Variants in ULBP2 observed in about 807,000 individuals in gnomAD.
ULBP2 encodes UL16 binding protein 2.
A neutral mutation model predicts 23.6 loss-of-function variants in ULBP2; 21 were observed. The ratio of observed to expected loss-of-function variants is 0.89; its 90% CI spans 0.63 to 1.28. The LOEUF is 1.28. Ranked by LOEUF, ULBP2 falls within the 50% of genes most tolerant of loss-of-function variation. The pLI, the probability that ULBP2 is intolerant of heterozygous loss-of-function variation, is 0.00. For synonymous variants in ULBP2, 82 were observed against 112.8 expected (o/e 0.73, Z 1.73); for missense variants, 251 against 306.0 (o/e 0.82, Z 1.34).
Position 149,946,951 on chromosome 6 carries a change from C to T in ULBP2, c.631+298C>T, listed in dbSNP as rs147603676. Among the ~76,000 whole-genome samples the T allele has an allele frequency of 4.0e-3, 607 of 152,246 alleles. 1 individual carries two copies. Among genetic ancestry groups the T allele is most frequent in the African/African-American group, 0.014 (584 of 41,518 alleles). ...TTCAGACCTTTTTCCTTAGTGTTTC[C>T]TCTTTTGAGAATCACTTTTCCTTTC... On this transcript the variant is annotated intron_variant, in intron 3 of 4. Transcript: ENST00000367351.
intron 3 of ULBP2, 180 bp downstream of exon 3, chr6:149,946,833 T>G: frequency 9.5e-7 from 1 of 1,054,612 alleles, no homozygotes; most frequent in Non-Finnish European, 1.3e-6. Context: ...GTCCTCTTCC[T>G]TCTCCCTCCT....
At chr6:149,948,415 T>C (rs1423874930) in intron 4 of ULBP2, among the ~76,000 whole-genome samples, 2 of 152,082 alleles carry the variant, frequency 1.3e-5, no homozygotes, top group Non-Finnish European at 2.9e-5. Flanking sequence ...CCTTGCCTGT[T>C]TTAGGCCTTC....
chr6:149,945,446 A>C lies in ULBP2; in HGVS notation c.223A>C (p.Ser75Arg). ...TGGCAACAAGACAGTCACACCTGTC[A>C]GTCCCCTGGGGAAGAAACTAAATGT... ...DCGNKTVTPV[S>R]PLGKKLNVTT... The change falls in exon 2 of 5, where the codon AGT becomes CGT. Residue 75 changes from serine to arginine, a missense_variant. By Grantham distance (110) the Ser-to-Arg change is moderately radical (BLOSUM62 -1). Transcript: ENST00000367351. 1 of 1,614,030 alleles carries C rather than the reference A, an allele frequency of 6.2e-7. No individual in the cohort carries two copies. The highest frequency in any genetic ancestry group is 1.1e-5 in the South Asian group (1 of 91,082).
intron 3 of ULBP2, among the ~76,000 whole-genome samples, chr6:149,946,950 C>T (rs1435401399): frequency 6.6e-6 from 1 of 152,112 alleles, no homozygotes. Flanking sequence ...CTTAGTGTTT[C>T]CTCTTTTGAG....
chr6:149,946,776 G>A lies in ULBP2; in HGVS notation c.631+123G>A, dbSNP rs559558944. On this transcript the variant is annotated intron_variant, in intron 3 of 4. Coordinates refer to ENST00000367351, the MANE Select transcript of ULBP2 (RefSeq NM_025217.4). ...ACATTCACGTTAAAATGACCTCCTC[G>A]TGGGGCGCTCCTCCTGGGGTTACTG... 75 of 1,514,108 alleles carry A rather than the reference G, an allele frequency of 5.0e-5. No homozygotes were observed. In the East Asian group the frequency reaches 9.5e-4, roughly 19 times the overall value. 93.8% of individuals were successfully genotyped at this position (1,514,108 alleles called of 1,614,324 possible).
At position 149,948,816 on chromosome 6, in the gene ULBP2, C is replaced by T. The variant is rs1778981622; in HGVS notation, c.*116C>T. On this transcript the variant is annotated 3_prime_UTR_variant, in exon 5 of 5. Coordinates refer to ENST00000367351, the MANE Select transcript of ULBP2 (RefSeq NM_025217.4). ...CTGCCCACGACCTACGGTGTATGTC[C>T]AGTGGCCTCCAGCAGATCATGATGA... 3 of 455,966 alleles carry T rather than the reference C, an allele frequency of 6.6e-6. No homozygotes were observed. The highest frequency in any genetic ancestry group is 4.7e-5 in the Admixed American group (2 of 42,458). 28.2% of individuals were successfully genotyped at this position (455,966 alleles called of 1,614,324 possible). A position where few individuals can be genotyped will look rare whatever the true frequency, so the allele number is the denominator to read the frequency against.
intron 3 of ULBP2, 154 bp downstream of exon 3, chr6:149,946,807 C>A (rs1396496473): frequency 1.6e-6 from 2 of 1,281,626 alleles, no homozygotes; most frequent in Non-Finnish European, 2.1e-6. Context: ...TACTGGCATG[C>A]CTGTGCTCTC....
rs148163936 is a variant in ULBP2 at position 149,945,598 on chromosome 6, C to G, written c.349+26C>G. The G allele has an allele frequency of 1.3e-3, 2,112 of 1,613,904 alleles. 12 individuals are homozygous for G. The African/African-American group carries it at 0.022, about 17-fold the overall frequency. On this transcript the variant is annotated intron_variant, in intron 2 of 4. Transcript: ENST00000367351. ...GTAAGTTTCAGATGGCCCAGGACAGCAGGGAACAGATACAGTGGTAGGTTA... is the reference window on the plus strand; with the variant it reads ...GTAAGTTTCAGATGGCCCAGGACAGGAGGGAACAGATACAGTGGTAGGTTA...
At chr6:149,943,383 C>T (rs1778892235) in intron 1 of ULBP2, among the ~76,000 whole-genome samples, 1 of 152,058 alleles carries the variant, frequency 6.6e-6, no homozygotes, top group Admixed American at 6.6e-5. Context: ...GCTTATTCTC[C>T]CCTCCTTTGT....
intron 1 of ULBP2, among the ~76,000 whole-genome samples, chr6:149,943,853 C>T (rs1191367669): frequency 1.3e-5 from 2 of 151,984 alleles, no homozygotes; most frequent in African/African-American, 2.4e-5. Flanking sequence ...GACATTGTGA[C>T]CACATGTACC....
chr6:149,948,061 C>A (rs1012709090), intron 4 of ULBP2, among the ~76,000 whole-genome samples: 2 of 152,214 alleles, frequency 1.3e-5, no homozygotes, highest in African/African-American at 4.8e-5. Flanking sequence ...TTTAAAAAGT[C>A]AGTCCCATGG....
chr6:149,946,246 C>A lies in ULBP2; in HGVS notation c.350-126C>A, dbSNP rs1778938609. The A allele has an allele frequency of 4.9e-6, 6 of 1,225,100 alleles. No individual in the cohort carries two copies. The Admixed American group carries it at 1.2e-4, about 24-fold the overall frequency. The allele number at this position is 1,225,100 out of a possible 1,614,324, so 75.9% of individuals were successfully genotyped here. A position where few individuals can be genotyped will look rare whatever the true frequency, so the allele number is the denominator to read the frequency against. ...AATACAAATGGGAAGGTCATCATAC[C>A]CCTCAAGAGTCTAGAGGCAAGGCCA... On this transcript the variant is annotated intron_variant, in intron 2 of 4. Transcript: ENST00000367351.
At chr6:149,946,202 T>G (rs1778937256) in intron 2 of ULBP2, among the ~76,000 whole-genome samples, 170 bp from the exon 3 acceptor site, 1 of 109,910 alleles carries the variant, frequency 9.1e-6, no homozygotes, top group African/African-American at 3.4e-5. Context: ...GCGAGACCCT[T>G]TCTCAAAAAA....
At chr6:149,946,167 C>T (rs1326574635) in intron 2 of ULBP2, among the ~76,000 whole-genome samples, 2 of 149,256 alleles carry the variant, frequency 1.3e-5, no homozygotes, top group Non-Finnish European at 3.0e-5. Flanking sequence ...CGCGCCACTG[C>T]ACTCCATCCA....
At chr6:149,948,599 C>T (rs931934157) in intron 4 of ULBP2, 124 bp from the exon 5 acceptor site, 4 of 447,680 alleles carry the variant, frequency 8.9e-6, no homozygotes, top group African/African-American at 6.0e-5. Flanking sequence ...GGTTGAGGCT[C>T]AAGGGAAAAA....
Position 149,942,125 on chromosome 6 carries a change from T to C in ULBP2, c.53T>C (p.Leu18Pro). ...KILLCLPLLLLLSGWSRAGRA... is the reference protein window; with the variant it reads ...KILLCLPLLLPLSGWSRAGRA... ...CTTCTGTGCCTCCCGCTTCTGCTCC[T>C]GCTGTCCGGCTGGTCCCGGGCTGGG... Residue 18 changes from leucine to proline, a missense_variant, in exon 1 of 5, where the codon CTG becomes CCG. Around this residue, in one of 2 missense-constraint regions of ULBP2, gnomAD observed 248 missense variants for 258.9 expected, o/e 0.96. Transcript: ENST00000367351. The C allele has an allele frequency of 6.2e-7, 1 of 1,612,918 alleles. No homozygotes were observed. The highest frequency in any genetic ancestry group is 1.1e-5 in the South Asian group (1 of 90,924).
rs1057124587 is a variant in ULBP2 at position 149,942,019 on chromosome 6, T to G, written c.-54T>G. On this transcript the variant is annotated 5_prime_UTR_variant, in exon 1 of 5. Transcript: ENST00000367351. ...GGCTTTAAAACCTTGAGGTGATTCATCTTCCAGGCTCTCCTTCCATCAAGT... is the reference window on the plus strand; with the variant it reads ...GGCTTTAAAACCTTGAGGTGATTCAGCTTCCAGGCTCTCCTTCCATCAAGT... 5.5e-5 allele frequency: 87 copies of G among 1,567,898 alleles called. No homozygotes were observed. The highest frequency in any genetic ancestry group is 1.7e-4 in the Admixed American group (9 of 54,522).
At chr6:149,943,515 T>C (rs1778894837) in intron 1 of ULBP2, among the ~76,000 whole-genome samples, 1 of 152,128 alleles carries the variant, frequency 6.6e-6, no homozygotes, top group African/African-American at 2.4e-5. Context: ...GTGCAGCTTC[T>C]TGGTTCCCGG....
rs753730079 is a variant in ULBP2, at chr6:149,945,478, G to A, written c.255G>A (p.Thr85=). The change falls in exon 2 of 5, where the codon ACG becomes ACA. Residue 85 remains threonine, a synonymous_variant. Transcript: ENST00000367351. ...TGGGGAAGAAACTAAATGTCACAAC[G>A]GCCTGGAAAGCACAGAACCCAGTAC... ...SPLGKKLNVT[T]AWKAQNPVLR... The A allele has an allele frequency of 2.5e-5, 40 of 1,613,878 alleles. No individual in the cohort carries two copies. The highest frequency in any genetic ancestry group is 3.1e-5 in the Non-Finnish European group (37 of 1,179,876).
Sources: gnomAD v4.1 joint callset for allele counts (sites outside exome capture counted in the v4.1 genomes callset) on GRCh38, gnomAD v4.1.1 for gene constraint, gnomAD v4.1.1 regional missense constraint, MANE v1.5 for transcripts, NCBI Gene and HGNC (gene_info 2026-07-23, HGNC 2026-07-21) for gene names.